The following AFF3 variants were observed in gnomAD, a reference collection of about 807,000 sequenced individuals.
AFF3 encodes the protein AF4/FMR2 family member 3.
Under a neutral mutation model 129.7 loss-of-function variants are expected in AFF3, and 32 were observed. That is an observed-to-expected ratio of 0.25 (90% CI 0.19 to 0.33). The LOEUF is 0.33. Among genes scored for constraint, AFF3 ranks in the 10% least tolerant of loss-of-function variants. AFF3 has a pLI of 1.00. For missense variants in AFF3, 1,373 were observed against 1,592.0 expected (o/e 0.86, Z 2.34); for synonymous variants, 644 against 635.4 (o/e 1.01, Z -0.20).
In AFF3 at chr2:100,029,465, C is replaced by T. The variant is rs1225449061; in HGVS notation, c.54-20533G>A. On this transcript the variant is annotated intron_variant, in intron 4 of 24. Transcript: ENST00000672756. ...ATAAGTTTCTGCTGTCTAAGCCACC[C>T]GGTCGGTGGCATTTTGTGAGGGCAT... is the stretch of plus-strand genomic sequence containing the variant. Among the ~76,000 whole-genome samples the T allele has an allele frequency of 2.0e-5, 3 of 152,210 alleles. 1 individual carries two copies. Among genetic ancestry groups the T allele is most frequent in the African/African-American group, 4.8e-5 (2 of 41,526 alleles).
Position 99,690,423 on chromosome 2 carries a change from C to T in AFF3, c.1092-17834G>A, listed in dbSNP as rs577633351. On this transcript the variant is annotated intron_variant, in intron 11 of 24. Coordinates refer to ENST00000672756, the MANE Select transcript of AFF3 (RefSeq NM_001386135.1). ...GTCTCGATCTCCTGACCTCGTGATCCGCCCGCCTCGGCCTCCCAAAGTGCT... is the reference window on the plus strand; with the variant it reads ...GTCTCGATCTCCTGACCTCGTGATCTGCCCGCCTCGGCCTCCCAAAGTGCT... 6.1e-3 allele frequency among the ~76,000 whole-genome samples: 926 copies of T among 151,862 alleles called. 4 individuals are homozygous for T. Among genetic ancestry groups the T allele is most frequent in the African/African-American group, 0.021 (857 of 41,462 alleles).
chr2:99,629,844 TG>T lies in AFF3; in HGVS notation c.1184+19781del, dbSNP rs1346123889. 3.9e-5 allele frequency among the ~76,000 whole-genome samples: 6 copies of T among 152,178 alleles called. No homozygotes were observed. In the East Asian group the frequency reaches 1.2e-3, roughly 29 times the overall value. On this transcript the variant is annotated intron_variant, in intron 13 of 24. Coordinates refer to ENST00000672756, the MANE Select transcript of AFF3 (RefSeq NM_001386135.1). ...TCTTCTTATAAGGGCTCTGATCCCATGATGGGATCCTACCCTTATGACCTCA... is the reference window on the plus strand; with the variant it reads ...TCTTCTTATAAGGGCTCTGATCCCATATGGGATCCTACCCTTATGACCTCA...
rs145274928 is a variant in AFF3, at chr2:99,658,013, G to A, written c.1144-8347C>T. 4.6e-3 allele frequency among the ~76,000 whole-genome samples: 704 copies of A among 152,262 alleles called. 3 individuals carry two copies. Among genetic ancestry groups the A allele is most frequent in the African/African-American group, 0.016 (662 of 41,544 alleles). The stretch of plus-strand genomic sequence containing the variant: ...TTTCACTCCCTAGAGATAAACCCAC[G>A]TGTGACATCCACTTCCTGGTTCTCC... On this transcript the variant is annotated intron_variant, in intron 12 of 24. Transcript: ENST00000672756.
chr2:100,017,364 T>A (rs1683222538), intron 4 of AFF3, among the ~76,000 whole-genome samples: 2 of 152,130 alleles, frequency 1.3e-5, no homozygotes, highest in Admixed American at 1.3e-4. Context: ...TACTTGTTTG[T>A]CTCTGACCAC....
chr2:100,044,460 T>C (rs1283742858), intron 4 of AFF3, among the ~76,000 whole-genome samples: 3 of 152,128 alleles, frequency 2.0e-5, no homozygotes, highest in Admixed American at 6.5e-5. Flanking sequence ...AGTCATAGAG[T>C]GCAATGAACC....
At chr2:99,615,417 C>T (rs1460295059) in intron 13 of AFF3, among the ~76,000 whole-genome samples, 1 of 152,252 alleles carries the variant, frequency 6.6e-6, no homozygotes, top group African/African-American at 2.4e-5. Context: ...GGTGATACAA[C>T]TCGCCTCCCC....
At chr2:99,753,075 C>T (rs935974296) in intron 8 of AFF3, among the ~76,000 whole-genome samples, 2 of 152,000 alleles carry the variant, frequency 1.3e-5, no homozygotes, top group East Asian at 3.9e-4. Context: ...TTGGAGTTTA[C>T]GAATTAGATG....
intron 13 of AFF3, among the ~76,000 whole-genome samples, chr2:99,622,250 C>A (rs1274644200): frequency 3.3e-5 from 5 of 152,122 alleles, no homozygotes; most frequent in African/African-American, 9.7e-5. Context: ...AGAGGCTGTG[C>A]CCCCAGAGGA....
intron 8 of AFF3, among the ~76,000 whole-genome samples, chr2:99,806,766 C>G (rs2105549644): frequency 6.6e-6 from 1 of 152,300 alleles, no homozygotes; most frequent in African/African-American, 2.4e-5. Flanking sequence ...GGGAAGATGA[C>G]TGGAGCCCAG....
At chr2:100,104,629 C>G in intron 3 of AFF3, 111 bp from the exon 4 acceptor site, 1 of 964,872 alleles carries the variant, frequency 1.0e-6, no homozygotes, top group Non-Finnish European at 1.2e-6. Context: ...CCCCCGACTC[C>G]GGGCCGGCCG....
At chr2:100,131,258 A>G (rs1189962920) in intron 1 of AFF3, among the ~76,000 whole-genome samples, 2 of 152,250 alleles carry the variant, frequency 1.3e-5, no homozygotes, top group African/African-American at 2.4e-5. Flanking sequence ...TATTAATGAT[A>G]TGATGTGAGT....
intron 4 of AFF3, among the ~76,000 whole-genome samples, chr2:100,087,277 T>C (rs1180814152): frequency 6.6e-6 from 1 of 152,216 alleles, no homozygotes; most frequent in Non-Finnish European, 1.5e-5. Context: ...TATACTTACA[T>C]ACTTATATAA....
rs1209369143 is a variant in AFF3, at chr2:99,549,195, GT to G, written c.*2278del. The G allele has an allele frequency of 4.7e-6, 1 of 214,772 alleles. No homozygotes were observed. Among genetic ancestry groups the G allele is most frequent in the African/African-American group, 2.3e-5 (1 of 44,292 alleles). The allele number at this position is 214,772 out of a possible 1,614,324, so 13.3% of individuals were successfully genotyped here. On this transcript the variant is annotated 3_prime_UTR_variant, in exon 25 of 25. Transcript: ENST00000672756. Reference sequence around the variant, plus strand: ...TTTCATCAGGATTCTTCAAGAGTAGGTAGAACAAAGCCTCAGTCCTCCAAAA... The same window carrying G: ...TTTCATCAGGATTCTTCAAGAGTAGGAGAACAAAGCCTCAGTCCTCCAAAA...
chr2:99,756,339 T>G (rs1682095297), intron 8 of AFF3, among the ~76,000 whole-genome samples: 2 of 152,260 alleles, frequency 1.3e-5, no homozygotes, highest in African/African-American at 4.8e-5. Context: ...CTTTCCACAT[T>G]GGTGATTTTT....
chr2:99,923,947 A>T (rs1696043755), intron 7 of AFF3, among the ~76,000 whole-genome samples: 1 of 152,228 alleles, frequency 6.6e-6, no homozygotes. Flanking sequence ...TCTCACTTTA[A>T]GGAATATCTC....
chr2:99,754,821 T>C (rs1681955793), intron 8 of AFF3, among the ~76,000 whole-genome samples: 1 of 152,146 alleles, frequency 6.6e-6, no homozygotes, highest in Non-Finnish European at 1.5e-5. Context: ...CACCCACTCA[T>C]CCCCTGAACA....
intron 7 of AFF3, among the ~76,000 whole-genome samples, chr2:99,943,611 C>T (rs1675271387): frequency 6.6e-6 from 1 of 152,192 alleles, no homozygotes; most frequent in African/African-American, 2.4e-5. Context: ...CTGAGTTTTT[C>T]CCTATTTTAA....
intron 13 of AFF3, among the ~76,000 whole-genome samples, chr2:99,645,198 G>C (rs1280454163): frequency 6.6e-6 from 1 of 152,128 alleles, no homozygotes; most frequent in Admixed American, 6.5e-5. Context: ...AGCCAGGCAT[G>C]GTGGCTACCA....
At chr2:99,749,749 C>A (rs953485758) in intron 9 of AFF3, among the ~76,000 whole-genome samples, 13 of 152,166 alleles carry the variant, frequency 8.5e-5, no homozygotes, top group African/African-American at 3.1e-4. Flanking sequence ...GCCTACAAAG[C>A]CTTAACTATT....
Sources: allele counts gnomAD v4.1 joint callset (sites outside exome capture counted in the v4.1 genomes callset), GRCh38; gene constraint gnomAD v4.1.1; transcripts MANE v1.5; gene names NCBI Gene and HGNC (gene_info 2026-07-23, HGNC 2026-07-21).